The following IL1RAPL1 variants were observed in gnomAD, a reference collection of about 807,000 sequenced individuals.
IL1RAPL1 encodes the protein interleukin 1 receptor accessory protein like 1.
Under a neutral mutation model 48.4 loss-of-function variants are expected in IL1RAPL1, and 3 were observed. That is an observed-to-expected ratio of 0.06 (90% CI 0.03 to 0.16). The LOEUF (loss-of-function observed/expected upper bound fraction) is 0.16. Among genes scored for constraint, IL1RAPL1 ranks in the 10% least tolerant of loss-of-function variants. The pLI is 1.00. For missense variants in IL1RAPL1, 349 were observed against 530.6 expected, an observed-to-expected ratio of 0.66 and a Z score of 3.36; for synonymous variants, 185 against 187.7, an observed-to-expected ratio of 0.99 and a Z score of 0.12.
rs144581862 is a variant in IL1RAPL1 at position 28,977,915 on chromosome X, G to A, written c.82+188490G>A. On this transcript the variant is annotated intron_variant, in intron 2 of 10. Transcript: ENST00000378993. ...GGGGTGGAGGTTGCAGTGAGCCGAG[G>A]TCACGCCATTGCACTCCAGCCTGGG... is the stretch of plus-strand genomic sequence containing the variant. Among the ~76,000 whole-genome samples, 953 of 111,892 alleles carry A rather than the reference G, an allele frequency of 8.5e-3. 11 individuals are homozygous for A. The highest frequency in any genetic ancestry group is 0.03 in the African/African-American group (909 of 30,794).
chrX:29,688,026 C>T (rs5972675), intron 6 of IL1RAPL1, among the ~76,000 whole-genome samples: 43,420 of 110,644 alleles, frequency 0.39, 6,202 homozygotes, highest in South Asian at 0.52. Context: ...CAGGACACTA[C>T]ACTGGGGAAT....
chrX:29,920,105 C>A lies in IL1RAPL1; in HGVS notation c.1057+11C>A. 1 of 1,210,234 alleles carries A rather than the reference C, an allele frequency of 8.3e-7. No homozygotes were observed. ...TCCTTCATAAACGAGGTGAGTGTAA[C>A]CTTCTAAGCTTCGGTGGTCAACTGA... On this transcript the variant is annotated intron_variant, in intron 8 of 10. Transcript: ENST00000378993.
At position 29,027,149 on chromosome X, in the gene IL1RAPL1, A is replaced by G. The variant is rs1426781496; in HGVS notation, c.82+237724A>G. On this transcript the variant is annotated intron_variant, in intron 2 of 10. Transcript: ENST00000378993. Reference sequence around the variant, plus strand: ...TGTATCTACCATTATGGTATCATACAGAATAGTTTCACTCTCCCAAAAATC... The same window carrying G: ...TGTATCTACCATTATGGTATCATACGGAATAGTTTCACTCTCCCAAAAATC... Among the ~76,000 whole-genome samples, 3 of 112,022 alleles carry G rather than the reference A, an allele frequency of 2.7e-5. No individual in the cohort carries two copies. In the South Asian group the frequency reaches 1.1e-3, roughly 42 times the overall value.
chrX:28,932,736 A>G (rs1018453460), intron 2 of IL1RAPL1, among the ~76,000 whole-genome samples: 4 of 84,623 alleles, frequency 4.7e-5, no homozygotes, highest in African/African-American at 2.0e-4. Flanking sequence ...CTTATTTGTA[A>G]TGCTAACAGG....
At chrX:29,040,310 T>C (rs747783482) in intron 2 of IL1RAPL1, among the ~76,000 whole-genome samples, 2 of 112,313 alleles carry the variant, frequency 1.8e-5, no homozygotes, top group Non-Finnish European at 3.8e-5. Context: ...CCTGGGAGGT[T>C]CTTTGCTGTT....
At chrX:29,179,810 C>T (rs188307891) in intron 2 of IL1RAPL1, among the ~76,000 whole-genome samples, 11 of 111,475 alleles carry the variant, frequency 9.9e-5, no homozygotes, top group Non-Finnish European at 1.9e-4. Flanking sequence ...AGGACAGTTC[C>T]TACCTCACTG....
chrX:29,862,417 C>T lies in IL1RAPL1; in HGVS notation c.779-55047C>T, dbSNP rs142488316. Among the ~76,000 whole-genome samples the T allele has an allele frequency of 6.1e-3, 677 of 111,125 alleles. 4 individuals carry two copies. The highest frequency in any genetic ancestry group is 9.5e-3 in the Non-Finnish European group (503 of 53,072). On this transcript the variant is annotated intron_variant, in intron 6 of 10. Coordinates refer to ENST00000378993, the MANE Select transcript of IL1RAPL1 (RefSeq NM_014271.4). ...GCTGCAGTTGGTTATAAAAACGTGA[C>T]GGATGATTTAGGTGGCTGTATTCAG...
At chrX:29,752,016 T>A (rs1373192943) in intron 6 of IL1RAPL1, among the ~76,000 whole-genome samples, 1 of 101,641 alleles carries the variant, frequency 9.8e-6, no homozygotes, top group African/African-American at 3.5e-5. Flanking sequence ...CATATATATA[T>A]GATAATATGT....
intron 2 of IL1RAPL1, among the ~76,000 whole-genome samples, chrX:29,275,591 C>T (rs760483638): frequency 2.3e-4 from 26 of 112,232 alleles, no homozygotes; most frequent in Non-Finnish European, 4.7e-4. Flanking sequence ...ATTTCCTGCT[C>T]CATTATTTCA....
At chrX:29,530,013 A>G (rs1432964779) in intron 5 of IL1RAPL1, among the ~76,000 whole-genome samples, 4 of 112,257 alleles carry the variant, frequency 3.6e-5, no homozygotes, top group Non-Finnish European at 7.5e-5. Flanking sequence ...TGCCTGGCAT[A>G]TAAGTTCTCA....
At chrX:29,089,223 A>G (rs1157685256) in intron 2 of IL1RAPL1, among the ~76,000 whole-genome samples, 1 of 111,434 alleles carries the variant, frequency 9.0e-6, no homozygotes, top group African/African-American at 3.3e-5. Context: ...ACTCAAAAGC[A>G]TATTCCCCTT....
chrX:29,721,293 A>G (rs926293145), intron 6 of IL1RAPL1, among the ~76,000 whole-genome samples: 2 of 111,665 alleles, frequency 1.8e-5, no homozygotes, highest in African/African-American at 6.5e-5. Flanking sequence ...GCAACAAGCT[A>G]GGTGAGGAAA....
At chrX:28,644,250 C>T (rs906299767) in intron 1 of IL1RAPL1, among the ~76,000 whole-genome samples, 24 of 111,373 alleles carry the variant, frequency 2.2e-4, no homozygotes, top group African/African-American at 7.8e-4. Flanking sequence ...GAGTTAGTTG[C>T]TGATCAGTTG....
chrX:29,859,258 T>C (rs1170810342), intron 6 of IL1RAPL1, among the ~76,000 whole-genome samples: 1 of 111,940 alleles, frequency 8.9e-6, no homozygotes, highest in Non-Finnish European at 1.9e-5. Context: ...GGTCATAGGC[T>C]CAACTATTTA....
rs4275388 is a variant in IL1RAPL1 at position 28,808,357 on chromosome X, A to G, written c.82+18932A>G. The stretch of plus-strand genomic sequence containing the variant: ...CACACCATCTGTAAATTAGTGTTCA[A>G]TGACACATTATTAAAACTTATACAT... On this transcript the variant is annotated intron_variant, in intron 2 of 10. Coordinates refer to ENST00000378993, the MANE Select transcript of IL1RAPL1 (RefSeq NM_014271.4). Among the ~76,000 whole-genome samples, 1,065 of 111,461 alleles carry G rather than the reference A, an allele frequency of 9.6e-3. 15 individuals carry two copies. The highest frequency in any genetic ancestry group is 0.032 in the African/African-American group (988 of 30,839).
intron 1 of IL1RAPL1, among the ~76,000 whole-genome samples, chrX:28,593,231 CAAACTCTAAAACTCCTGTCTTTT>C (rs974374038): frequency 9.0e-6 from 1 of 111,113 alleles, no homozygotes; most frequent in African/African-American, 3.3e-5. Flanking sequence ...TTCAGGTGCC[CAAACTCTAAAACTCCTGTCTTTT>C]AGCTACAGAG....
At chrX:29,189,106 A>G (rs1273211237) in intron 2 of IL1RAPL1, among the ~76,000 whole-genome samples, 2 of 112,147 alleles carry the variant, frequency 1.8e-5, no homozygotes, top group Admixed American at 9.5e-5. Context: ...TTATTTGCCA[A>G]ATATGTAAAC....
chrX:29,747,561 C>G (rs1391896455), intron 6 of IL1RAPL1, among the ~76,000 whole-genome samples: 1 of 111,792 alleles, frequency 8.9e-6, no homozygotes, highest in East Asian at 2.8e-4. Flanking sequence ...GTGGAGTCAT[C>G]CTGAAATGAC....
intron 2 of IL1RAPL1, among the ~76,000 whole-genome samples, chrX:29,169,233 C>G (rs1929864136): frequency 9.2e-6 from 1 of 109,057 alleles, no homozygotes; most frequent in Non-Finnish European, 1.9e-5. Flanking sequence ...TTTGAGGAAA[C>G]TCCATACTGT....
Sources: gnomAD v4.1 joint callset for allele counts (sites outside exome capture counted in the v4.1 genomes callset) on GRCh38, gnomAD v4.1.1 for gene constraint, MANE v1.5 for transcripts, NCBI Gene and HGNC (gene_info 2026-07-23, HGNC 2026-07-21) for gene names.